The following MACROD2 variants were observed in gnomAD, a reference collection of about 807,000 sequenced individuals.
MACROD2 encodes the protein mono-ADP ribosylhydrolase 2.
MACROD2 carries 36 observed loss-of-function variants against 70.4 expected under a neutral mutation model. The ratio of observed to expected loss-of-function variants is 0.51; its 90% CI spans 0.39 to 0.68. The LOEUF is 0.68. MACROD2 is among the 30% of genes least tolerant of loss of function. The pLI is 0.00. For missense variants in MACROD2, 496 were observed against 538.4 expected (o/e 0.92, Z 0.78); for synonymous variants, 172 against 178.8 (o/e 0.96, Z 0.30).
chr20:15,842,468 CT>C (rs3071404), intron 8 of MACROD2, among the ~76,000 whole-genome samples: 106 of 137,412 alleles, frequency 7.7e-4, no homozygotes, highest in African/African-American at 1.1e-3. Flanking sequence ...TTTTTTTCAT[CT>C]TTTTTTTTTT....
At chr20:14,996,389 A>G (rs1181842579) in intron 5 of MACROD2, among the ~76,000 whole-genome samples, 1 of 152,142 alleles carries the variant, frequency 6.6e-6, no homozygotes, top group African/African-American at 2.4e-5. Flanking sequence ...ATTAACGTTG[A>G]TAAAGAAAAG....
At chr20:14,380,075 A>G (rs1043972351) in intron 3 of MACROD2, among the ~76,000 whole-genome samples, 3 of 152,118 alleles carry the variant, frequency 2.0e-5, no homozygotes, top group Non-Finnish European at 4.4e-5. Context: ...CCCACCAGCA[A>G]TGTATGAGGG....
chr20:15,625,461 C>T (rs981121649), intron 8 of MACROD2, among the ~76,000 whole-genome samples: 2 of 152,026 alleles, frequency 1.3e-5, no homozygotes, highest in South Asian at 2.1e-4. Flanking sequence ...TTTCTATAAC[C>T]GTAAAGGAGA....
intron 5 of MACROD2, among the ~76,000 whole-genome samples, chr20:14,737,226 T>A (rs2071677322): frequency 6.6e-6 from 1 of 152,054 alleles, no homozygotes; most frequent in African/African-American, 2.4e-5. Flanking sequence ...TTTCTCTGTT[T>A]GTTTGCTGAG....
At chr20:14,488,915 G>T (rs1010782015) in intron 3 of MACROD2, among the ~76,000 whole-genome samples, 1 of 152,176 alleles carries the variant, frequency 6.6e-6, no homozygotes, top group Non-Finnish European at 1.5e-5. Flanking sequence ...TTTAACAACA[G>T]TAATTCTGTT....
Position 15,594,905 on chromosome 20 carries a change from T to C in MACROD2, c.645+95058T>C, listed in dbSNP as rs111461378. On this transcript the variant is annotated intron_variant, in intron 8 of 17. Transcript: ENST00000684519. The stretch of plus-strand genomic sequence containing the variant: ...GTTTATTTTTCTCTATATTAGGTAA[T>C]AATGTCACTAAAAAGTCCTTCTTTT... Among the ~76,000 whole-genome samples, 1,258 of 152,314 alleles carry C rather than the reference T, an allele frequency of 8.3e-3. 9 individuals carry two copies. The highest frequency in any genetic ancestry group is 0.014 in the Non-Finnish European group (949 of 68,018).
chr20:15,707,559 G>A (rs531540454), intron 8 of MACROD2, among the ~76,000 whole-genome samples: 8 of 152,266 alleles, frequency 5.3e-5, no homozygotes, highest in Non-Finnish European at 1.2e-4. Context: ...CAAGTCGGGC[G>A]GATTACTTGA....
chr20:14,709,423 TAAG>T (rs1297760108), intron 5 of MACROD2, among the ~76,000 whole-genome samples: 1 of 151,900 alleles, frequency 6.6e-6, no homozygotes, highest in Non-Finnish European at 1.5e-5. Context: ...TCACATAAGG[TAAG>T]GAGGGTGTTT....
intron 5 of MACROD2, among the ~76,000 whole-genome samples, chr20:14,761,112 G>C (rs2072009596): frequency 6.6e-6 from 1 of 151,814 alleles, no homozygotes; most frequent in Non-Finnish European, 1.5e-5. Flanking sequence ...CTCCTTATTG[G>C]ACCCTTCCTG....
chr20:15,430,215 A>AT (rs368190888), intron 6 of MACROD2, among the ~76,000 whole-genome samples: 3 of 151,640 alleles, frequency 2.0e-5, no homozygotes, highest in African/African-American at 7.3e-5. Context: ...TTTGTATTGT[A>AT]TTTTTTTTCT....
At chr20:15,387,023 G>A (rs1393143031) in intron 6 of MACROD2, among the ~76,000 whole-genome samples, 2 of 152,102 alleles carry the variant, frequency 1.3e-5, no homozygotes, top group Non-Finnish European at 2.9e-5. Flanking sequence ...ATTCAGCACA[G>A]TGAGATAAGA....
chr20:15,081,249 G>A (rs976018023), intron 5 of MACROD2, among the ~76,000 whole-genome samples: 5 of 152,198 alleles, frequency 3.3e-5, no homozygotes, highest in African/African-American at 1.2e-4. Context: ...TTGGAACACA[G>A]CCATGCTCAT....
At chr20:15,901,829 A>G (rs752837486) in intron 10 of MACROD2, among the ~76,000 whole-genome samples, 5 of 152,072 alleles carry the variant, frequency 3.3e-5, no homozygotes, top group Non-Finnish European at 2.9e-5. Flanking sequence ...CTCAGTTCAG[A>G]GCTTGCCACT....
At chr20:15,758,123 G>A (rs1484286036) in intron 8 of MACROD2, among the ~76,000 whole-genome samples, 1 of 151,606 alleles carries the variant, frequency 6.6e-6, no homozygotes, top group Admixed American at 6.6e-5. Context: ...GCAAATAATT[G>A]TTGGGTATTT....
chr20:14,880,773 A>G (rs566403417), intron 5 of MACROD2, among the ~76,000 whole-genome samples: 6 of 152,238 alleles, frequency 3.9e-5, no homozygotes, highest in Non-Finnish European at 2.9e-5. Context: ...GAACCGTCTA[A>G]CTTATGCCTT....
At chr20:15,972,012 C>T (rs150333037) in intron 13 of MACROD2, among the ~76,000 whole-genome samples, 2,427 of 152,076 alleles carry the variant, frequency 0.016, 29 homozygotes, top group Middle Eastern at 0.037. Context: ...CATGTTAATT[C>T]GAGACAAAGA....
chr20:14,758,422 G>A (rs1424176260), intron 5 of MACROD2, among the ~76,000 whole-genome samples: 1 of 152,162 alleles, frequency 6.6e-6, no homozygotes, highest in Non-Finnish European at 1.5e-5. Flanking sequence ...ATGCAGTCCT[G>A]TATTTCCACA....
intron 3 of MACROD2, among the ~76,000 whole-genome samples, chr20:14,213,304 A>G (rs2081585275): frequency 2.7e-5 from 4 of 147,220 alleles, no homozygotes; most frequent in South Asian, 2.2e-4. Context: ...ATTCCATGCC[A>G]TAATACTATA....
intron 3 of MACROD2, among the ~76,000 whole-genome samples, chr20:14,438,352 C>T (rs917081590): frequency 5.9e-5 from 9 of 152,156 alleles, no homozygotes; most frequent in African/African-American, 9.7e-5. Flanking sequence ...TCTTGGCCAT[C>T]GTGAATAGTG....
Sources: gnomAD v4.1 joint callset for allele counts (sites outside exome capture counted in the v4.1 genomes callset) on GRCh38, gnomAD v4.1.1 for gene constraint, MANE v1.5 for transcripts, NCBI Gene and HGNC (gene_info 2026-07-23, HGNC 2026-07-21) for gene names.